The following MEMO1 variants were observed in gnomAD, a reference collection of about 807,000 sequenced individuals.
MEMO1 encodes the protein mediator of cell motility 1, also known as protein MEMO1.
A neutral mutation model predicts 45.2 loss-of-function variants in MEMO1; 6 were observed. The ratio of observed to expected loss-of-function variants is 0.13; its 90% CI spans 0.07 to 0.26. The LOEUF is 0.26. MEMO1 is among the 10% of genes least tolerant of loss of function. The probability of loss-of-function intolerance (pLI) is 1.00; values close to 1 mark genes in which losing one functional copy is unlikely to be tolerated. For synonymous variants in MEMO1, 78 were observed against 124.3 expected (o/e 0.63, Z 2.48); for missense variants, 184 against 370.5 (o/e 0.50, Z 4.13).
At chr2:31,971,651 A>ACAGG (rs752761016) in intron 2 of MEMO1, among the ~76,000 whole-genome samples, 16 of 152,130 alleles carry the variant, frequency 1.1e-4, no homozygotes, top group Admixed American at 3.9e-4. Flanking sequence ...AGCTGGAACT[A>ACAGG]CAGGCACAAA....
chr2:31,948,671 G>A (rs2148346715), intron 2 of MEMO1, among the ~76,000 whole-genome samples: 1 of 152,282 alleles, frequency 6.6e-6, no homozygotes, highest in South Asian at 2.1e-4. Flanking sequence ...GGCCAAAGCG[G>A]GTAGATCATT....
At chr2:31,944,839 C>T (rs988134780) in intron 2 of MEMO1, among the ~76,000 whole-genome samples, 4 of 152,036 alleles carry the variant, frequency 2.6e-5, no homozygotes, top group African/African-American at 9.7e-5. Context: ...TCTTTTAAAA[C>T]TTTTAATCAT....
chr2:31,980,648 A>C (rs1670528960), intron 2 of MEMO1, among the ~76,000 whole-genome samples: 1 of 152,152 alleles, frequency 6.6e-6, no homozygotes, highest in South Asian at 2.1e-4. Flanking sequence ...CTCCTTCTCC[A>C]ACATTTTTCA....
chr2:31,869,488 A>AT (rs1673347351), intron 9 of MEMO1, among the ~76,000 whole-genome samples: 1 of 152,050 alleles, frequency 6.6e-6, no homozygotes, highest in South Asian at 2.1e-4. Context: ...TCTTCCACTT[A>AT]TTTTTTATAG....
intron 2 of MEMO1, among the ~76,000 whole-genome samples, chr2:32,003,287 A>G (rs982304490): frequency 1.1e-4 from 16 of 152,238 alleles, no homozygotes; most frequent in African/African-American, 3.9e-4. Context: ...ACTGCATTTA[A>G]GATATATATC....
chr2:32,007,257 T>C (rs1674214704), intron 2 of MEMO1, among the ~76,000 whole-genome samples: 3 of 152,296 alleles, frequency 2.0e-5, no homozygotes, highest in East Asian at 1.9e-4. Flanking sequence ...CCCAATCCAA[T>C]GTTCCTTCCT....
chr2:32,000,276 C>T (rs1037403335), intron 2 of MEMO1, among the ~76,000 whole-genome samples: 1 of 151,558 alleles, frequency 6.6e-6, no homozygotes, highest in Non-Finnish European at 1.5e-5. Context: ...GTTGCCCAGA[C>T]TGGAGTGCAG....
At chr2:31,992,676 C>T (rs1277810170) in intron 2 of MEMO1, among the ~76,000 whole-genome samples, 6 of 152,150 alleles carry the variant, frequency 3.9e-5, no homozygotes, top group African/African-American at 9.6e-5. Context: ...CCCAGCTACT[C>T]GGGAGACTGA....
intron 6 of MEMO1, among the ~76,000 whole-genome samples, chr2:31,910,455 T>C (rs980601531): frequency 6.6e-6 from 1 of 152,212 alleles, no homozygotes; most frequent in African/African-American, 2.4e-5. Flanking sequence ...TTGGTGATTA[T>C]AGCTTATGGA....
intron 4 of MEMO1, among the ~76,000 whole-genome samples, chr2:31,930,811 A>ATT (rs376524077): frequency 1.4e-4 from 18 of 126,080 alleles, no homozygotes; most frequent in East Asian, 4.4e-4. Context: ...ACGCCTGGCA[A>ATT]TTTTTTTTTT....
At chr2:31,988,922 G>A (rs1356716454) in intron 2 of MEMO1, among the ~76,000 whole-genome samples, 2 of 151,722 alleles carry the variant, frequency 1.3e-5, no homozygotes, top group African/African-American at 4.8e-5. Context: ...ATGAATAGTG[G>A]GCAGCCAGGC....
chr2:31,995,905 A>T (rs1026570200), intron 2 of MEMO1, among the ~76,000 whole-genome samples: 5 of 152,132 alleles, frequency 3.3e-5, no homozygotes, highest in African/African-American at 1.2e-4. Flanking sequence ...TATTCAGAGA[A>T]ACAAATATAA....
In MEMO1 at chr2:31,951,455, C is replaced by T. The variant is rs528670603; in HGVS notation, c.62-8072G>A. 5.1e-4 allele frequency among the ~76,000 whole-genome samples: 77 copies of T among 151,522 alleles called. No homozygotes were observed. The South Asian group carries it at 0.015, about 30-fold the overall frequency. On this transcript the variant is annotated intron_variant, in intron 2 of 9. Transcript: ENST00000404530. ...AAAAATCAGCATTTGGGAACCACTGCTTCTCACTACAATGAAAAGTGTTTC... is the reference window on the plus strand; with the variant it reads ...AAAAATCAGCATTTGGGAACCACTGTTTCTCACTACAATGAAAAGTGTTTC...
intron 2 of MEMO1, among the ~76,000 whole-genome samples, chr2:31,993,423 T>G (rs1434246371): frequency 6.6e-6 from 1 of 152,186 alleles, no homozygotes; most frequent in Admixed American, 6.5e-5. Flanking sequence ...AGATTTTAAA[T>G]GACCCAGAAT....
intron 8 of MEMO1, among the ~76,000 whole-genome samples, chr2:31,881,495 T>A (rs1235314104): frequency 5.8e-5 from 4 of 68,430 alleles, no homozygotes; most frequent in Admixed American, 4.2e-4. Context: ...AGCCTGTCTT[T>A]AAAAAAAAAA....
chr2:31,886,846 C>A (rs1229207684), intron 7 of MEMO1, among the ~76,000 whole-genome samples: 1 of 152,158 alleles, frequency 6.6e-6, no homozygotes, highest in Non-Finnish European at 1.5e-5. Context: ...GCCCCTGTTT[C>A]AACTCCAAGT....
intron 6 of MEMO1, among the ~76,000 whole-genome samples, chr2:31,906,184 C>T (rs1679690850): frequency 6.6e-6 from 1 of 151,904 alleles, no homozygotes; most frequent in Non-Finnish European, 1.5e-5. Flanking sequence ...GTTGGCCAGA[C>T]TTGTCTCGAA....
At chr2:31,971,008 TA>T (rs923172571) in intron 2 of MEMO1, among the ~76,000 whole-genome samples, 33 of 152,144 alleles carry the variant, frequency 2.2e-4, no homozygotes, top group Admixed American at 4.6e-4. Flanking sequence ...CATCTCAAAA[TA>T]AAACAAAGAT....
At chr2:31,955,676 T>C (rs1453814343) in intron 2 of MEMO1, among the ~76,000 whole-genome samples, 2 of 152,126 alleles carry the variant, frequency 1.3e-5, no homozygotes, top group African/African-American at 4.8e-5. Context: ...TGGGGCGATC[T>C]CGGCTCACTG....
Sources: gnomAD v4.1 joint callset for allele counts (sites outside exome capture counted in the v4.1 genomes callset) on GRCh38, gnomAD v4.1.1 for gene constraint, MANE v1.5 for transcripts, NCBI Gene and HGNC (gene_info 2026-07-23, HGNC 2026-07-21) for gene names.